The following SP140 variants were observed in gnomAD, a reference collection of about 807,000 sequenced individuals.
SP140 encodes the protein SP140 nuclear body protein, also known as nuclear body protein SP140.
SP140 carries 81 observed loss-of-function variants against 125.0 expected under a neutral mutation model. That is an observed-to-expected ratio of 0.65 (90% CI 0.54 to 0.78). The LOEUF is 0.78. SP140 is among the 30% of genes least tolerant of loss of function. The pLI is 0.00. For missense variants in SP140, 858 were observed against 1,037.0 expected (o/e 0.83, Z 2.37); for synonymous variants, 312 against 354.0 (o/e 0.88, Z 1.33).
rs1414713715 is a variant in SP140 at position 230,297,496 on chromosome 2, T to A, written c.2058+34T>A. 1.9e-6 allele frequency: 3 copies of A among 1,609,060 alleles called. No individual in the cohort carries two copies. The East Asian group carries it at 6.7e-5, about 36-fold the overall frequency. The stretch of plus-strand genomic sequence containing the variant: ...AAATTCTGAACTACGACCCCCAGAA[T>A]ATTCCACTCCTTTCTCCAGGCATAT... On this transcript the variant is annotated intron_variant, in intron 22 of 26. Coordinates refer to ENST00000392045, the MANE Select transcript of SP140 (RefSeq NM_007237.5).
intron 12 of SP140, among the ~76,000 whole-genome samples, chr2:230,264,835 GTC>G (rs2052811545): frequency 1.3e-5 from 2 of 152,206 alleles, no homozygotes; most frequent in Admixed American, 6.5e-5. Flanking sequence ...CCATCTATGG[GTC>G]TCTCAGCTGT....
intron 15 of SP140, among the ~76,000 whole-genome samples, chr2:230,277,280 C>T (rs994650313): frequency 1.3e-5 from 2 of 152,136 alleles, no homozygotes; most frequent in African/African-American, 4.8e-5. Flanking sequence ...TCAGTAGCCA[C>T]CAACATCCAG....
chr2:230,202,025 A>G (rs1426671537), upstream of SP140, among the ~76,000 whole-genome samples: 1 of 152,242 alleles, frequency 6.6e-6, no homozygotes, highest in Non-Finnish European at 1.5e-5. Context: ...GAATGCAGAA[A>G]CAGTTGTAGG....
chr2:230,190,265 C>T, the SP140 span, among the ~76,000 whole-genome samples: 7 of 152,200 alleles, frequency 4.6e-5, no homozygotes, highest in East Asian at 1.4e-3. Context: ...ATGAGATGGT[C>T]TCTCATTGCA....
chr2:230,216,306 T>TA (rs1292854491), intron 3 of SP140, among the ~76,000 whole-genome samples: 1 of 152,216 alleles, frequency 6.6e-6, no homozygotes, highest in African/African-American at 2.4e-5. Flanking sequence ...AGGGTGACCC[T>TA]AAATCCAAGT....
At chr2:230,218,944 G>T (rs1032406141) in intron 3 of SP140, among the ~76,000 whole-genome samples, 19 of 152,190 alleles carry the variant, frequency 1.2e-4, no homozygotes, top group Non-Finnish European at 2.8e-4. Flanking sequence ...CATAAAGAAG[G>T]CCAGGCATGG....
intron 1 of SP140, chr2:230,208,004 T>G (rs1437265874): frequency 6.4e-7 from 1 of 1,558,058 alleles, no homozygotes; most frequent in Non-Finnish European, 8.8e-7. Context: ...CTGGGAGGCT[T>G]TTTTTCTTAT....
intron 15 of SP140, among the ~76,000 whole-genome samples, chr2:230,282,036 A>G (rs2055644019): frequency 6.6e-6 from 1 of 152,188 alleles, no homozygotes; most frequent in South Asian, 2.1e-4. Flanking sequence ...GCAGCAGAAG[A>G]ATGCTTCACT....
At chr2:230,240,948 A>G (rs2048639183) in intron 3 of SP140, among the ~76,000 whole-genome samples, 1 of 152,200 alleles carries the variant, frequency 6.6e-6, no homozygotes, top group Non-Finnish European at 1.5e-5. Context: ...TAATTTATAG[A>G]GTATAATACT....
chr2:230,212,553 C>T lies in SP140; in HGVS notation c.-322-1101C>T, dbSNP rs41309094. 0.023 allele frequency: 23,839 copies of T among 1,049,570 alleles called. 343 individuals carry two copies. The highest frequency in any genetic ancestry group is 0.027 in the Non-Finnish European group (18,060 of 668,920). 65.0% of individuals were successfully genotyped at this position (1,049,570 alleles called of 1,614,324 possible). On this transcript the variant is annotated intron_variant, in intron 1 of 4. Coordinates refer to the SP140 transcript ENST00000456542. The stretch of plus-strand genomic sequence containing the variant: ...ACAAGGGCAGAGGGTTGGAATGTCC[C>T]GGGAGTGGGAAGCAGGTGTTCTGGA...
chr2:230,288,244 C>T (rs918918573), intron 18 of SP140: 8 of 365,604 alleles, frequency 2.2e-5, no homozygotes, highest in South Asian at 8.3e-5. Flanking sequence ...AGTTCATTGC[C>T]GTATAAAGGG....
At chr2:230,297,552 C>G in intron 22 of SP140, 90 bp downstream of exon 22, 1 of 1,441,708 alleles carries the variant, frequency 6.9e-7, no homozygotes, top group Non-Finnish European at 9.7e-7. Context: ...TTGCCTGAAT[C>G]ATGTTCAGTC....
chr2:230,217,151 C>A (rs772256204), intron 3 of SP140, among the ~76,000 whole-genome samples: 1 of 141,276 alleles, frequency 7.1e-6, no homozygotes, highest in Admixed American at 7.5e-5. Flanking sequence ...GAGGCTGAGG[C>A]GGGAAAATTG....
chr2:230,246,956 G>A (rs2049537312), intron 7 of SP140, among the ~76,000 whole-genome samples: 1 of 152,046 alleles, frequency 6.6e-6, no homozygotes, highest in South Asian at 2.1e-4. Flanking sequence ...GAACAATATG[G>A]GACATTGTAG....
intron 12 of SP140, among the ~76,000 whole-genome samples, chr2:230,257,221 G>A (rs1177569015): frequency 1.3e-5 from 2 of 151,922 alleles, no homozygotes; most frequent in East Asian, 1.9e-4. Context: ...AGAAAGATTA[G>A]GGAGAGATAA....
chr2:230,208,268 G>A (rs1173643558), intron 1 of SP140, among the ~76,000 whole-genome samples: 3 of 152,216 alleles, frequency 2.0e-5, no homozygotes, highest in Non-Finnish European at 4.4e-5. Flanking sequence ...GAGACAGGGA[G>A]TTTAGGTAGC....
At chr2:230,270,035 G>C in intron 14 of SP140, 82 bp downstream of exon 14, 1 of 870,082 alleles carries the variant, frequency 1.1e-6, no homozygotes, top group East Asian at 2.4e-5. Flanking sequence ...AGGTGCTCCA[G>C]TCTGTCCAGA....
chr2:230,198,995 A>G (rs974606392), upstream of SP140, among the ~76,000 whole-genome samples: 7 of 151,950 alleles, frequency 4.6e-5, no homozygotes, highest in Non-Finnish European at 1.0e-4. Context: ...CTGGACCTCA[A>G]TAAAGGGGAT....
At position 230,211,943 on chromosome 2, in the gene SP140, GGACAAGT is replaced by G. The variant is rs2044530365; in HGVS notation, c.-322-1708_-322-1702del. ...CTCCATTATGATGATGGTTTGGGGA[GGACAAGT>G]GATACAATTTGAGAAGCTAAATATT... On this transcript the variant is annotated intron_variant, in intron 1 of 4. Transcript: ENST00000456542. This position sits in a 1 kb window ranked among gnomAD's most constrained non-coding sequence, Gnocchi z 4.2. Among the ~76,000 whole-genome samples the G allele has an allele frequency of 6.6e-6, 1 of 152,096 alleles. No individual in the cohort carries two copies. The highest frequency in any genetic ancestry group is 2.4e-5 in the African/African-American group (1 of 41,406).
Sources: allele counts gnomAD v4.1 joint callset (sites outside exome capture counted in the v4.1 genomes callset), GRCh38; gene constraint gnomAD v4.1.1; non-coding constraint Gnocchi (gnomAD v3.1); transcripts MANE v1.5; gene names NCBI Gene and HGNC (gene_info 2026-07-23, HGNC 2026-07-21).